The following PI15 variants were observed in gnomAD, a reference collection of about 807,000 sequenced individuals.
PI15 encodes the protein 25 kDa trypsin inhibitor.
In PI15, 18 loss-of-function variants were observed where a neutral mutation model predicts 31.0. That is an observed-to-expected ratio of 0.58 (90% confidence interval 0.40 to 0.86). PI15 has a LOEUF of 0.86. Among genes scored for constraint, PI15 ranks in the 40% least tolerant of loss-of-function variants. The pLI, the probability that PI15 is intolerant of heterozygous loss-of-function variation, is 0.00. For missense variants in PI15, 282 were observed against 328.1 expected (o/e 0.86, Z 1.09); for synonymous variants, 118 against 119.1 (o/e 0.99, Z 0.06).
At chr8:74,834,860 GCACATTCTCCTGATGATT>G (rs55730814) in intron 2 of PI15, among the ~76,000 whole-genome samples, 65,465 of 151,758 alleles carry the variant, frequency 0.43, 14,977 homozygotes, top group African/African-American at 0.56. Context: ...GAGTCAGTGG[GCACATTCTCCTGATGATT>G]CACATTCTCC....
rs572596171 is a variant in PI15 at position 74,845,349 on chromosome 8, C to T, written c.526-33C>T. The T allele has an allele frequency of 1.9e-6, 3 of 1,590,306 alleles. No individual in the cohort carries two copies. In the East Asian group the frequency reaches 6.7e-5, roughly 36 times the overall value. On this transcript the variant is annotated intron_variant, in intron 4 of 5. Coordinates refer to ENST00000260113, the MANE Select transcript of PI15 (RefSeq NM_015886.5). ...TGGACATGCATTGTCTTAGCTCTGA[C>T]TTCTGTAACAGTTTATTGGTTTATT...
chr8:74,825,607 GTGTT>G, intron 2 of PI15, 85 bp downstream of exon 2: 2 of 1,078,916 alleles, frequency 1.9e-6, no homozygotes, highest in Non-Finnish European at 2.7e-6. Flanking sequence ...ACGACCACGA[GTGTT>G]TATATGTCCG....
chr8:74,848,968 G>T (rs888100247), intron 5 of PI15, 150 bp from the exon 6 acceptor site: 1 of 624,206 alleles, frequency 1.6e-6, no homozygotes, highest in African/African-American at 1.9e-5. Context: ...ATTGAAATAA[G>T]AAATGATTAT....
intron 5 of PI15, chr8:74,845,784 T>C (rs1811017313): frequency 5.9e-6 from 2 of 336,292 alleles, no homozygotes; most frequent in Non-Finnish European, 5.5e-6. Flanking sequence ...AAATAAACAC[T>C]GTACCACACA....
chr8:74,836,746 T>C (rs1016160830), intron 2 of PI15, among the ~76,000 whole-genome samples: 6 of 152,088 alleles, frequency 3.9e-5, no homozygotes, highest in Admixed American at 3.9e-4. Flanking sequence ...TGCCAAAAGC[T>C]GCTGATAGAC....
chr8:74,826,873 T>G (rs2128763188), intron 2 of PI15, among the ~76,000 whole-genome samples: 1 of 152,130 alleles, frequency 6.6e-6, no homozygotes, highest in South Asian at 2.1e-4. Context: ...TTTGATGGGT[T>G]TCTTTGAACT....
intron 2 of PI15, among the ~76,000 whole-genome samples, chr8:74,840,955 TAAC>T (rs1810936739): frequency 6.6e-6 from 1 of 152,188 alleles, no homozygotes; most frequent in Non-Finnish European, 1.5e-5. Flanking sequence ...TTATAATAGT[TAAC>T]AAAGGATGGT....
chr8:74,837,199 T>G (rs549342839), intron 2 of PI15, among the ~76,000 whole-genome samples: 3 of 152,156 alleles, frequency 2.0e-5, no homozygotes, highest in Non-Finnish European at 4.4e-5. Context: ...CATAATATAG[T>G]GTCATATTTT....
At position 74,825,521 on chromosome 8, in the gene PI15, T is replaced by C. The variant is rs1404592256; in HGVS notation, c.272T>C (p.Met91Thr). 6.9e-6 allele frequency: 11 copies of C among 1,598,860 alleles called. No individual in the cohort carries two copies. Among genetic ancestry groups the C allele is most frequent in the Non-Finnish European group, 9.4e-6 (11 of 1,173,064 alleles). Residue 91 changes from methionine to threonine, a missense_variant and splice_region_variant, in exon 2 of 6, where the codon ATG becomes ACG. Coordinates refer to ENST00000260113, the MANE Select transcript of PI15 (RefSeq NM_015886.5). Reference sequence around the variant, plus strand: ...CCACCGGCAGCAAATATGGAATATATGGTAAGAAGAATTCTTTTTTTTTTT... The same window carrying C: ...CCACCGGCAGCAAATATGGAATATACGGTAAGAAGAATTCTTTTTTTTTTT... ...VFPPAANMEY[M>T]VWDENLAKSA...
chr8:74,846,906 T>C (rs1331025530), intron 5 of PI15, among the ~76,000 whole-genome samples: 1 of 152,118 alleles, frequency 6.6e-6, no homozygotes, highest in East Asian at 1.9e-4. Context: ...GAATGAATAG[T>C]ATAAGTGTAT....
At position 74,852,746 on chromosome 8, in the gene PI15, G is replaced by A. The variant is rs1350877083; in HGVS notation, c.*3493G>A. On this transcript the variant is annotated 3_prime_UTR_variant, in exon 6 of 6. Transcript: ENST00000260113. Reference sequence around the variant, plus strand: ...CTAATACATATTTAAGCCAGTTTAAGTGCTTTGTGTTGATGCCATGCTTAT... The same window carrying A: ...CTAATACATATTTAAGCCAGTTTAAATGCTTTGTGTTGATGCCATGCTTAT... 6.6e-6 allele frequency: 1 copy of A among 152,066 alleles called. No homozygotes were observed. The highest frequency in any genetic ancestry group is 1.5e-5 in the Non-Finnish European group (1 of 67,972). The allele number at this position is 152,066 out of a possible 1,614,324, so 9.4% of individuals were successfully genotyped here.
chr8:74,839,788 CTT>C (rs890315509), intron 2 of PI15, among the ~76,000 whole-genome samples: 1 of 152,116 alleles, frequency 6.6e-6, no homozygotes, highest in African/African-American at 2.4e-5. Context: ...CACCTGTGCC[CTT>C]CTTTCTTCCA....
chr8:74,834,970 G>T (rs1025530069), intron 2 of PI15, among the ~76,000 whole-genome samples: 1 of 151,660 alleles, frequency 6.6e-6, no homozygotes, highest in African/African-American at 2.4e-5. Flanking sequence ...TTGTTATAAT[G>T]GAAAGGGATT....
At chr8:74,837,102 T>C (rs1280453144) in intron 2 of PI15, among the ~76,000 whole-genome samples, 1 of 152,122 alleles carries the variant, frequency 6.6e-6, no homozygotes, top group Non-Finnish European at 1.5e-5. Flanking sequence ...ACATGAAAGA[T>C]AATACTCATC....
Position 74,852,418 on chromosome 8 carries a change from C to T in PI15, c.*3165C>T, listed in dbSNP as rs1343559804. 1 of 152,002 alleles carries T rather than the reference C, an allele frequency of 6.6e-6. No individual in the cohort carries two copies. The highest frequency in any genetic ancestry group is 1.5e-5 in the Non-Finnish European group (1 of 67,926). The allele number at this position is 152,002 out of a possible 1,614,324, so 9.4% of individuals were successfully genotyped here. ...TCTGGTTATGACAGATAAGTTTGCTCAAAAAATGTGGATGAAGCCATTATT... is the reference window on the plus strand; with the variant it reads ...TCTGGTTATGACAGATAAGTTTGCTTAAAAAATGTGGATGAAGCCATTATT... On this transcript the variant is annotated 3_prime_UTR_variant, in exon 6 of 6. Coordinates refer to ENST00000260113, the MANE Select transcript of PI15 (RefSeq NM_015886.5).
chr8:74,845,061 G>T, intron 3 of PI15, 67 bp from the exon 4 acceptor site: 1 of 1,300,688 alleles, frequency 7.7e-7, no homozygotes, highest in African/African-American at 1.5e-5. Context: ...TCAATTTACA[G>T]TGTAACATGA....
At chr8:74,838,684 A>C (rs1462808385) in intron 2 of PI15, among the ~76,000 whole-genome samples, 2 of 152,074 alleles carry the variant, frequency 1.3e-5, no homozygotes, top group African/African-American at 4.8e-5. Context: ...TTTTACCTTA[A>C]ATTTTATCTT....
In PI15 at chr8:74,851,442, T is replaced by C. The variant is rs1281559302; in HGVS notation, c.*2189T>C. The stretch of plus-strand genomic sequence containing the variant: ...TTCACTTTTCAGTTCTAAGGAAGAA[T>C]AATATTTGCTACATATTTCACAGGG... On this transcript the variant is annotated 3_prime_UTR_variant, in exon 6 of 6. Transcript: ENST00000260113. 6.6e-6 allele frequency: 1 copy of C among 152,070 alleles called. No individual in the cohort carries two copies. The highest frequency in any genetic ancestry group is 1.5e-5 in the Non-Finnish European group (1 of 67,936). 9.4% of individuals were successfully genotyped at this position (152,070 alleles called of 1,614,324 possible).
intron 3 of PI15, 159 bp from the exon 4 acceptor site, chr8:74,844,969 G>A (rs564500024): frequency 1.7e-5 from 11 of 630,950 alleles, no homozygotes; most frequent in South Asian, 9.7e-5. Flanking sequence ...TGGAGGAATA[G>A]AGGACCCGAC....
Sources: allele counts gnomAD v4.1 joint callset (sites outside exome capture counted in the v4.1 genomes callset), GRCh38; gene constraint gnomAD v4.1.1; transcripts MANE v1.5; gene names NCBI Gene and HGNC (gene_info 2026-07-23, HGNC 2026-07-21).